The following GLRA2 variants were observed in gnomAD, a reference collection of about 807,000 sequenced individuals.
GLRA2 encodes the protein glycine receptor alpha 2.
GLRA2 carries 11 observed loss-of-function variants against 31.6 expected under a neutral mutation model. The observed-to-expected ratio is 0.35, with a 90% CI of 0.22 to 0.58. The LOEUF is 0.58. Ranked by LOEUF, GLRA2 falls within the 20% of genes least tolerant of loss-of-function variation. The probability of loss-of-function intolerance (pLI) is 0.84; values close to 1 mark genes in which losing one functional copy is unlikely to be tolerated. For missense variants in GLRA2, 212 were observed against 351.8 expected (o/e 0.60, Z 3.18); for synonymous variants, 132 against 134.0 (o/e 0.99, Z 0.10).
At chrX:14,511,823 A>G in the GLRA2 span, among the ~76,000 whole-genome samples, 1 of 111,928 alleles carries the variant, frequency 8.9e-6, no homozygotes, top group Non-Finnish European at 1.9e-5. Context: ...AATCCGTGTC[A>G]TTGCATCCTT....
At chrX:14,720,271 G>A (rs1243331733) in intron 8 of GLRA2, among the ~76,000 whole-genome samples, 6 of 111,474 alleles carry the variant, frequency 5.4e-5, no homozygotes, top group African/African-American at 1.3e-4. Context: ...CATTGTACAC[G>A]TGTATTGAAA....
chrX:14,698,940 G>A (rs1199196986), intron 8 of GLRA2, among the ~76,000 whole-genome samples: 1 of 111,212 alleles, frequency 9.0e-6, no homozygotes, highest in Non-Finnish European at 1.9e-5. Flanking sequence ...GAGCAATCAA[G>A]TTATCAAATG....
At chrX:14,480,733 C>T in the GLRA2 span, among the ~76,000 whole-genome samples, 1 of 111,288 alleles carries the variant, frequency 9.0e-6, no homozygotes. Flanking sequence ...TGTTTTTGTA[C>T]CAGTATCATG....
intron 7 of GLRA2, among the ~76,000 whole-genome samples, chrX:14,618,407 A>G (rs1216543106): frequency 8.9e-6 from 1 of 111,965 alleles, no homozygotes; most frequent in Non-Finnish European, 1.9e-5. Context: ...TAATGTAGTC[A>G]TTTATGTAAA....
At chrX:14,587,632 G>A (rs182697960) in intron 4 of GLRA2, among the ~76,000 whole-genome samples, 41 of 111,699 alleles carry the variant, frequency 3.7e-4, no homozygotes, top group African/African-American at 1.2e-3. Flanking sequence ...TTTTAATGGG[G>A]CTATTTGTTT....
chrX:14,693,556 G>GA (rs1171382108), intron 8 of GLRA2, among the ~76,000 whole-genome samples: 1 of 111,611 alleles, frequency 9.0e-6, no homozygotes, highest in Non-Finnish European at 1.9e-5. Flanking sequence ...GCAACTGATA[G>GA]AAAAAAAGCA....
intron 7 of GLRA2, among the ~76,000 whole-genome samples, chrX:14,642,591 CATG>C (rs1317272024): frequency 9.2e-6 from 1 of 109,059 alleles, no homozygotes; most frequent in East Asian, 2.9e-4. Flanking sequence ...TGCATCTGGT[CATG>C]ATTTTTTTTT....
At chrX:14,526,037 C>T (rs759694918), upstream of GLRA2, among the ~76,000 whole-genome samples, 13 of 112,027 alleles carry the variant, frequency 1.2e-4, no homozygotes, top group South Asian at 3.3e-3. Flanking sequence ...ACAATGATGA[C>T]GAGCTCCTTG....
intron 7 of GLRA2, among the ~76,000 whole-genome samples, chrX:14,681,985 TTATATA>T (rs1166440848): frequency 4.8e-5 from 4 of 82,759 alleles, no homozygotes; most frequent in Non-Finnish European, 9.3e-5. Flanking sequence ...ATATATGTAT[TTATATA>T]TGTATGTGTG....
chrX:14,672,927 G>C (rs111658946), intron 7 of GLRA2, among the ~76,000 whole-genome samples: 3 of 111,306 alleles, frequency 2.7e-5, no homozygotes, highest in African/African-American at 9.8e-5. Flanking sequence ...AGAAGGGAAG[G>C]TGTCTGGCAA....
intron 3 of GLRA2, among the ~76,000 whole-genome samples, chrX:14,578,372 A>G (rs191331067): frequency 1.1e-4 from 12 of 112,489 alleles, no homozygotes; most frequent in African/African-American, 3.9e-4. Context: ...TGTTAGTGTC[A>G]GAGATGTGTA....
At chrX:14,547,676 T>G (rs181866319) in intron 2 of GLRA2, among the ~76,000 whole-genome samples, 94 of 111,597 alleles carry the variant, frequency 8.4e-4, no homozygotes, top group African/African-American at 2.3e-3. Flanking sequence ...AACCTTTTAT[T>G]TCTGGTGCTT....
At chrX:14,540,975 A>G in intron 2 of GLRA2, among the ~76,000 whole-genome samples, 1 of 109,950 alleles carries the variant, frequency 9.1e-6, no homozygotes, top group African/African-American at 3.3e-5. Flanking sequence ...AGAGCAAGGG[A>G]TAGAGAGAGA....
At chrX:14,541,569 C>T (rs895145781) in intron 2 of GLRA2, among the ~76,000 whole-genome samples, 3 of 111,355 alleles carry the variant, frequency 2.7e-5, no homozygotes, top group African/African-American at 9.8e-5. Context: ...ACTTCATGAC[C>T]AACAAGACAG....
At chrX:14,643,495 G>C (rs140145739) in intron 7 of GLRA2, among the ~76,000 whole-genome samples, 1 of 111,433 alleles carries the variant, frequency 9.0e-6, no homozygotes, top group Non-Finnish European at 1.9e-5. Flanking sequence ...TGAAATCATG[G>C]GGTTATTTCA....
At chrX:14,617,561 A>C (rs753202738) in intron 7 of GLRA2, among the ~76,000 whole-genome samples, 2 of 111,491 alleles carry the variant, frequency 1.8e-5, no homozygotes, top group Admixed American at 1.9e-4. Context: ...AGGCTTAAAA[A>C]CTGCTTGCAT....
At chrX:14,562,871 T>TG (rs771618674) in intron 2 of GLRA2, among the ~76,000 whole-genome samples, 4 of 111,416 alleles carry the variant, frequency 3.6e-5, no homozygotes, top group African/African-American at 9.8e-5. Flanking sequence ...CATATGAATG[T>TG]GGGGGGGACA....
the GLRA2 span, among the ~76,000 whole-genome samples, chrX:14,482,037 C>G: frequency 2.7e-5 from 3 of 111,646 alleles, no homozygotes; most frequent in Non-Finnish European, 5.7e-5. Context: ...ATTACACATT[C>G]CAGATTTTTC....
At chrX:14,543,690 GTTCTC>G (rs1207159617) in intron 2 of GLRA2, among the ~76,000 whole-genome samples, 1 of 111,814 alleles carries the variant, frequency 8.9e-6, no homozygotes, top group Non-Finnish European at 1.9e-5. Context: ...TCCATGAAAT[GTTCTC>G]TAAGTTTTTA....
Sources: gnomAD v4.1 joint callset for allele counts (sites outside exome capture counted in the v4.1 genomes callset) on GRCh38, gnomAD v4.1.1 for gene constraint, MANE v1.5 for transcripts, NCBI Gene and HGNC (gene_info 2026-07-23, HGNC 2026-07-21) for gene names.